Variants in EFCAB6 observed in about 807,000 individuals in gnomAD.
The protein encoded by EFCAB6 is EF-hand calcium-binding domain-containing protein 6.
EFCAB6 carries 156 observed loss-of-function variants against 169.8 expected under a neutral mutation model. The ratio of observed to expected loss-of-function variants is 0.92; its 90% CI spans 0.81 to 1.05. The LOEUF (loss-of-function observed/expected upper bound fraction) is 1.05. Ranked by LOEUF, EFCAB6 falls within the 50% of genes least tolerant of loss-of-function variation. The pLI, the probability that EFCAB6 is intolerant of heterozygous loss-of-function variation, is 0.00. For missense variants in EFCAB6, 1,800 were observed against 1,829.1 expected, an observed-to-expected ratio of 0.98 and a Z score of 0.29; for synonymous variants, 698 against 676.4, an observed-to-expected ratio of 1.03 and a Z score of -0.50.
intron 3 of EFCAB6, among the ~76,000 whole-genome samples, chr22:43,779,434 T>C (rs1052547274): frequency 7.2e-5 from 11 of 152,188 alleles, no homozygotes. Context: ...GGCAAATATA[T>C]CTTTAATTTT....
At chr22:43,807,965 C>T (rs959647319) in intron 2 of EFCAB6, among the ~76,000 whole-genome samples, 28 of 152,164 alleles carry the variant, frequency 1.8e-4, no homozygotes, top group African/African-American at 6.3e-4. Context: ...CACCATCCAC[C>T]ACAACAACTT....
intron 22 of EFCAB6, among the ~76,000 whole-genome samples, chr22:43,608,018 G>C (rs905590709): frequency 6.6e-6 from 1 of 152,122 alleles, no homozygotes; most frequent in Non-Finnish European, 1.5e-5. Flanking sequence ...TAAAAGTTTG[G>C]TTTTTCTTCC....
chr22:43,649,948 C>A (rs2056384675), intron 17 of EFCAB6, among the ~76,000 whole-genome samples: 1 of 152,188 alleles, frequency 6.6e-6, no homozygotes, highest in African/African-American at 2.4e-5. Flanking sequence ...AGGAGAGACC[C>A]AAATGACTGG....
intron 21 of EFCAB6, among the ~76,000 whole-genome samples, chr22:43,614,732 G>A (rs983974372): frequency 4.6e-5 from 7 of 152,196 alleles, no homozygotes; most frequent in African/African-American, 1.7e-4. Flanking sequence ...ACACAATACA[G>A]ACAGTTGACT....
chr22:43,697,858 C>T (rs949840918), intron 10 of EFCAB6, among the ~76,000 whole-genome samples: 1 of 152,174 alleles, frequency 6.6e-6, no homozygotes, highest in African/African-American at 2.4e-5. Context: ...ACTTGTCACA[C>T]TGTTCCCAAA....
intron 17 of EFCAB6, among the ~76,000 whole-genome samples, chr22:43,660,340 G>A (rs929721984): frequency 1.6e-4 from 25 of 152,138 alleles, no homozygotes; most frequent in African/African-American, 5.3e-4. Context: ...CATTCCCCAT[G>A]TGCCTGGTGC....
At chr22:43,632,837 T>G (rs1464335362) in intron 18 of EFCAB6, among the ~76,000 whole-genome samples, 1 of 152,242 alleles carries the variant, frequency 6.6e-6, no homozygotes, top group Admixed American at 6.5e-5. Flanking sequence ...GTCCTGTGTC[T>G]CTTGTTCATC....
At chr22:43,662,555 C>A (rs2057057151) in intron 17 of EFCAB6, among the ~76,000 whole-genome samples, 1 of 152,170 alleles carries the variant, frequency 6.6e-6, no homozygotes, top group Non-Finnish European at 1.5e-5. Flanking sequence ...TCCTCAGGGA[C>A]AAACCTTCAC....
At chr22:43,717,547 A>T (rs2059376932) in intron 8 of EFCAB6, among the ~76,000 whole-genome samples, 3 of 152,128 alleles carry the variant, frequency 2.0e-5, no homozygotes, top group Admixed American at 2.0e-4. Context: ...TAGACAGATA[A>T]TTCACATAAA....
At chr22:43,609,439 T>C (rs2053153249) in intron 21 of EFCAB6, among the ~76,000 whole-genome samples, 1 of 152,162 alleles carries the variant, frequency 6.6e-6, no homozygotes, top group Non-Finnish European at 1.5e-5. Context: ...CACAAATAAA[T>C]TATTATAAGA....
intron 21 of EFCAB6, among the ~76,000 whole-genome samples, chr22:43,613,253 CA>C (rs1337991428): frequency 6.7e-6 from 1 of 148,862 alleles, no homozygotes; most frequent in Non-Finnish European, 1.5e-5. Flanking sequence ...TATATTTATA[CA>C]GCAAATATAT....
chr22:43,718,455 T>C (rs2059410645), intron 8 of EFCAB6, among the ~76,000 whole-genome samples: 1 of 152,150 alleles, frequency 6.6e-6, no homozygotes, highest in Non-Finnish European at 1.5e-5. Flanking sequence ...AAGATCCCTC[T>C]GGGCTATATA....
chr22:43,757,166 C>CTA (rs1226729845), intron 5 of EFCAB6, among the ~76,000 whole-genome samples: 3 of 152,168 alleles, frequency 2.0e-5, no homozygotes, highest in Non-Finnish European at 4.4e-5. Context: ...GAATTCAAAT[C>CTA]TATAATGCTA....
chr22:43,554,689 T>C (rs2048591698), intron 27 of EFCAB6, 180 bp downstream of exon 27: 1 of 619,630 alleles, frequency 1.6e-6, no homozygotes, highest in East Asian at 2.8e-5. Context: ...TGGTGTAATT[T>C]ATAGTTGTTA....
chr22:43,701,905 A>G (rs910604317), intron 10 of EFCAB6, among the ~76,000 whole-genome samples: 6 of 152,154 alleles, frequency 3.9e-5, no homozygotes, highest in African/African-American at 1.4e-4. Context: ...ACAGGCTAAG[A>G]AAAATAGCTG....
intron 20 of EFCAB6, among the ~76,000 whole-genome samples, chr22:43,622,648 C>A (rs182648573): frequency 1.3e-5 from 2 of 152,140 alleles, no homozygotes; most frequent in Admixed American, 6.6e-5. Context: ...GTGGTCTTAG[C>A]GATGTTGATT....
At chr22:43,588,851 A>G (rs2051253809) in intron 24 of EFCAB6, among the ~76,000 whole-genome samples, 1 of 152,220 alleles carries the variant, frequency 6.6e-6, no homozygotes, top group Non-Finnish European at 1.5e-5. Context: ...AAAAAGTGCT[A>G]TGTAGAAAAG....
chr22:43,627,613 T>C (rs2054617854), intron 19 of EFCAB6, among the ~76,000 whole-genome samples: 1 of 152,316 alleles, frequency 6.6e-6, no homozygotes, highest in Admixed American at 6.5e-5. Flanking sequence ...AATGCCTGTT[T>C]CCCACATGCA....
At chr22:43,678,186 G>C (rs779330071) in intron 12 of EFCAB6, 23 bp from the exon 13 acceptor site, 74 of 1,544,898 alleles carry the variant, frequency 4.8e-5, no homozygotes, top group Middle Eastern at 4.4e-4. Context: ...GTGTATATAA[G>C]GGAATTTTTG....
Sources: allele counts gnomAD v4.1 joint callset (sites outside exome capture counted in the v4.1 genomes callset), GRCh38; gene constraint gnomAD v4.1.1; transcripts MANE v1.5; gene names NCBI Gene and HGNC (gene_info 2026-07-23, HGNC 2026-07-21).